SMIM35: variants seen among roughly 807,000 people sequenced by gnomAD.
SMIM35 encodes the protein TMPRSS4 antisense RNA 1 (non-protein coding).
chr11:118,021,347 G>A (rs1427171722), intron 1 of SMIM35, among the ~76,000 whole-genome samples: 1 of 151,870 alleles, frequency 6.6e-6, no homozygotes, highest in African/African-American at 2.4e-5. Context: ...CTATCTTCTA[G>A]CTGACTAATT....
intron 1 of SMIM35, among the ~76,000 whole-genome samples, chr11:118,044,528 C>A (rs781668086): frequency 2.0e-5 from 3 of 151,920 alleles, no homozygotes; most frequent in Admixed American, 6.6e-5. Flanking sequence ...AGGATGGGTG[C>A]GGTGATTCAT....
intron 1 of SMIM35, chr11:118,031,853 A>T (rs1434039349): frequency 6.6e-6 from 1 of 152,078 alleles, no homozygotes; most frequent in Non-Finnish European, 1.5e-5. Context: ...AGAAACCAGC[A>T]TCGGCCAGGC....
chr11:118,053,624 C>T (rs1158608186), intron 1 of SMIM35, among the ~76,000 whole-genome samples: 1 of 152,170 alleles, frequency 6.6e-6, no homozygotes, highest in Admixed American at 6.5e-5. Context: ...CTAGAGGCAA[C>T]GGGTGGGGCC....
chr11:118,018,297 A>G (rs190547751), intron 1 of SMIM35, among the ~76,000 whole-genome samples: 10 of 152,256 alleles, frequency 6.6e-5, no homozygotes, highest in Admixed American at 2.0e-4. Context: ...AAAGGGCATG[A>G]CCCAATGTTT....
At chr11:118,035,691 C>G (rs79791963) in intron 1 of SMIM35, among the ~76,000 whole-genome samples, 6,028 of 152,178 alleles carry the variant, frequency 0.04, 200 homozygotes, top group East Asian at 0.19. Flanking sequence ...TGGAGACTCA[C>G]ACAGTGCTCC....
chr11:118,024,779 T>G (rs2058260364), intron 1 of SMIM35, among the ~76,000 whole-genome samples: 1 of 152,136 alleles, frequency 6.6e-6, no homozygotes, highest in South Asian at 2.1e-4. Context: ...AGCCTCAACT[T>G]TTATTTTAGA....
At chr11:118,086,484 G>A (rs143329978) in intron 1 of SMIM35, among the ~76,000 whole-genome samples, 155 of 152,368 alleles carry the variant, frequency 1.0e-3, no homozygotes, top group African/African-American at 3.6e-3. Context: ...ATGACTCAAC[G>A]CAAGGCAGTG....
chr11:118,024,024 AAAAGAAAG>A (rs1555071324), intron 1 of SMIM35, among the ~76,000 whole-genome samples: 1 of 152,144 alleles, frequency 6.6e-6, no homozygotes, highest in South Asian at 2.1e-4. Context: ...CCAAAAAAAA[AAAAGAAAG>A]AAAGAAAGAA....
chr11:118,020,747 C>A (rs563167181), intron 1 of SMIM35, among the ~76,000 whole-genome samples: 1 of 151,824 alleles, frequency 6.6e-6, no homozygotes, highest in African/African-American at 2.4e-5. Context: ...GATATGTAGA[C>A]TATTATATTG....
chr11:118,022,343 CT>C (rs1361590211), intron 1 of SMIM35, among the ~76,000 whole-genome samples: 3 of 152,178 alleles, frequency 2.0e-5, no homozygotes, highest in Admixed American at 2.0e-4. Context: ...GCCACCGCCC[CT>C]GGCCCAACAA....
chr11:118,048,862 G>A (rs1944155548), intron 1 of SMIM35, among the ~76,000 whole-genome samples: 1 of 147,900 alleles, frequency 6.8e-6, no homozygotes, highest in South Asian at 2.1e-4. Context: ...ACAGGTCCTG[G>A]GCCAGGATGG....
intron 1 of SMIM35, among the ~76,000 whole-genome samples, chr11:118,071,295 T>A (rs1245260306): frequency 6.6e-6 from 1 of 152,154 alleles, no homozygotes; most frequent in East Asian, 1.9e-4. Flanking sequence ...GGATCCAGGT[T>A]TGGGATTTTC....
chr11:118,053,307 AACACACACACACACACACACAC>A lies in SMIM35; in HGVS notation c.7+33422_7+33443del, dbSNP rs57912361. On this transcript the variant is annotated intron_variant, in intron 1 of 4. Coordinates refer to ENST00000689828, the MANE Select transcript of SMIM35 (RefSeq NM_001394165.1). ...TGGGTGACAGAGCAAGACTCTCTAAAACACACACACACACACACACACACACACACACACACACACACACACA... is the reference window on the plus strand; with the variant it reads ...TGGGTGACAGAGCAAGACTCTCTAAAACACACACACACACACACACACACA... Among the ~76,000 whole-genome samples the A allele has an allele frequency of 8.4e-5, 12 of 142,100 alleles. No homozygotes were observed. In the South Asian group the frequency reaches 1.7e-3, roughly 20 times the overall value. 93.2% of individuals were successfully genotyped at this position (142,100 alleles called of 152,430 possible).
chr11:118,069,065 C>T (rs1944530858), intron 1 of SMIM35, among the ~76,000 whole-genome samples: 1 of 152,192 alleles, frequency 6.6e-6, no homozygotes, highest in Non-Finnish European at 1.5e-5. Context: ...CCCAGGTCTT[C>T]CCCCCGTCAG....
intron 1 of SMIM35, among the ~76,000 whole-genome samples, chr11:118,062,518 G>A (rs1186839568): frequency 2.0e-5 from 3 of 152,158 alleles, no homozygotes; most frequent in Non-Finnish European, 2.9e-5. Context: ...AGACCAGCTG[G>A]GAGTCAACAA....
chr11:118,067,920 G>T (rs553652407), intron 1 of SMIM35, among the ~76,000 whole-genome samples: 55 of 111,548 alleles, frequency 4.9e-4, no homozygotes, highest in African/African-American at 1.8e-3. Context: ...AAGTTTAGTT[G>T]TTTTCTTTGT....
At chr11:118,019,072 C>A (rs1205107939) in intron 1 of SMIM35, among the ~76,000 whole-genome samples, 1 of 152,148 alleles carries the variant, frequency 6.6e-6, no homozygotes, top group Non-Finnish European at 1.5e-5. Flanking sequence ...CTCTGCTGTA[C>A]ACCTTTTTTA....
intron 1 of SMIM35, among the ~76,000 whole-genome samples, chr11:118,028,177 C>T (rs2058289415): frequency 6.6e-6 from 1 of 152,188 alleles, no homozygotes; most frequent in Non-Finnish European, 1.5e-5. Flanking sequence ...TTCCATATGA[C>T]TGGAGCAGTA....
chr11:118,081,033 T>C (rs1406554168), intron 1 of SMIM35, among the ~76,000 whole-genome samples: 8 of 152,232 alleles, frequency 5.3e-5, no homozygotes, highest in Admixed American at 5.2e-4. Context: ...TCTGTGTCTT[T>C]TCTGCTTTTA....
Sources: allele counts gnomAD v4.1 joint callset (sites outside exome capture counted in the v4.1 genomes callset), GRCh38; gene constraint gnomAD v4.1.1; transcripts MANE v1.5; gene names NCBI Gene and HGNC (gene_info 2026-07-23, HGNC 2026-07-21).